TNFSF4: variants seen among roughly 807,000 people sequenced by gnomAD.
The protein encoded by TNFSF4 is TNF superfamily member 4, also known as tumor necrosis factor ligand superfamily member 4.
In TNFSF4, 4 loss-of-function variants were observed where a neutral mutation model predicts 7.3. The ratio of observed to expected loss-of-function variants is 0.55; its 90% CI spans 0.27 to 1.25. The LOEUF is 1.25. TNFSF4 is among the 50% of genes most tolerant of loss of function. TNFSF4 has a pLI of 0.12. For synonymous variants in TNFSF4, 76 were observed against 83.7 expected (o/e 0.91, Z 0.50); for missense variants, 181 against 208.8 (o/e 0.87, Z 0.82).
At chr1:173,231,094 A>G in the TNFSF4 span, among the ~76,000 whole-genome samples, 3 of 152,236 alleles carry the variant, frequency 2.0e-5, no homozygotes, top group Non-Finnish European at 4.4e-5. Context: ...AACTCACTTT[A>G]TGAGGCCAGC....
chr1:173,352,287 C>T, the TNFSF4 span, among the ~76,000 whole-genome samples: 1 of 152,176 alleles, frequency 6.6e-6, no homozygotes, highest in Non-Finnish European at 1.5e-5. Flanking sequence ...GCTGCTGTGA[C>T]CATGTTAGTC....
chr1:173,409,750 C>G, the TNFSF4 span, among the ~76,000 whole-genome samples: 1 of 152,094 alleles, frequency 6.6e-6, no homozygotes, highest in Non-Finnish European at 1.5e-5. Context: ...ATCTAATCTA[C>G]AGTGTGAGAA....
the TNFSF4 span, among the ~76,000 whole-genome samples, chr1:173,431,196 A>G: frequency 1.3e-5 from 2 of 152,224 alleles, no homozygotes; most frequent in South Asian, 4.1e-4. Flanking sequence ...TCTTTGGAGA[A>G]TGTGTTTGCA....
the TNFSF4 span, among the ~76,000 whole-genome samples, chr1:173,379,853 C>T: frequency 2.6e-5 from 4 of 152,206 alleles, no homozygotes; most frequent in South Asian, 6.2e-4. Context: ...AAGCCACCCC[C>T]TCATCCATGT....
chr1:173,308,285 C>CTCTCTGTGTGTG, the TNFSF4 span, among the ~76,000 whole-genome samples: 326 of 135,098 alleles, frequency 2.4e-3, 2 homozygotes, highest in South Asian at 4.7e-3. Context: ...CTCTCTCTCT[C>CTCTCTGTGTGTG]TGTGTGTGTG....
the TNFSF4 span, among the ~76,000 whole-genome samples, chr1:173,438,628 T>C: frequency 1.3e-5 from 2 of 152,346 alleles, no homozygotes; most frequent in South Asian, 4.1e-4. Context: ...AAGCTTTCCA[T>C]ACTGGCAAAT....
At chr1:173,416,829 T>G in the TNFSF4 span, among the ~76,000 whole-genome samples, 1 of 152,008 alleles carries the variant, frequency 6.6e-6, no homozygotes, top group Admixed American at 6.6e-5. Flanking sequence ...ACTCCTGGAC[T>G]CAAGCGATCC....
chr1:173,426,928 C>CAG, the TNFSF4 span, among the ~76,000 whole-genome samples: 135 of 150,842 alleles, frequency 8.9e-4, 1 homozygote, highest in East Asian at 9.7e-4. Flanking sequence ...GCAAGACAGT[C>CAG]AGAGAGAGAG....
the TNFSF4 span, among the ~76,000 whole-genome samples, chr1:173,329,637 T>A: frequency 1.3e-5 from 2 of 152,138 alleles, no homozygotes; most frequent in African/African-American, 2.4e-5. Flanking sequence ...AAAACAAATT[T>A]AACAACTGTA....
At chr1:173,264,860 C>T in the TNFSF4 span, among the ~76,000 whole-genome samples, 1 of 152,158 alleles carries the variant, frequency 6.6e-6, no homozygotes, top group Non-Finnish European at 1.5e-5. Flanking sequence ...AGGGACACTA[C>T]ATTCAGTGAC....
chr1:173,292,989 A>G, the TNFSF4 span, among the ~76,000 whole-genome samples: 1 of 152,170 alleles, frequency 6.6e-6, no homozygotes, highest in Non-Finnish European at 1.5e-5. Context: ...AAGAAATCTG[A>G]GGTGACAAAA....
At chr1:173,419,018 G>C in the TNFSF4 span, among the ~76,000 whole-genome samples, 2 of 152,192 alleles carry the variant, frequency 1.3e-5, no homozygotes, top group Non-Finnish European at 2.9e-5. Flanking sequence ...TGGCCCCCAC[G>C]GTGGGGCTGG....
the TNFSF4 span, among the ~76,000 whole-genome samples, chr1:173,247,148 A>G: frequency 1.3e-5 from 2 of 152,222 alleles, no homozygotes; most frequent in Non-Finnish European, 2.9e-5. Flanking sequence ...GTGCCCTTTT[A>G]AGAGGGGATT....
chr1:173,410,503 A>G, the TNFSF4 span, among the ~76,000 whole-genome samples: 2 of 152,210 alleles, frequency 1.3e-5, no homozygotes, highest in African/African-American at 4.8e-5. Context: ...TTCTTCTCAA[A>G]TAAAAGTTGT....
chr1:173,192,551 G>A (rs1376679671), intron 1 of TNFSF4, among the ~76,000 whole-genome samples: 1 of 152,158 alleles, frequency 6.6e-6, no homozygotes, highest in Non-Finnish European at 1.5e-5. Context: ...GGTGCCAGGG[G>A]TTAGGAATGG....
chr1:173,195,475 C>T (rs1476497488), intron 1 of TNFSF4, among the ~76,000 whole-genome samples: 1 of 152,226 alleles, frequency 6.6e-6, no homozygotes, highest in Non-Finnish European at 1.5e-5. Flanking sequence ...TAGGTTCTTT[C>T]TTGGCCTCCT....
the TNFSF4 span, among the ~76,000 whole-genome samples, chr1:173,442,636 G>A: frequency 4.4e-5 from 6 of 137,874 alleles, no homozygotes; most frequent in African/African-American, 1.6e-4. Flanking sequence ...TGCAACCTTC[G>A]CCTCCCTGGG....
the TNFSF4 span, among the ~76,000 whole-genome samples, chr1:173,263,087 G>T: frequency 6.6e-6 from 1 of 152,128 alleles, no homozygotes; most frequent in African/African-American, 2.4e-5. Flanking sequence ...ACAAGTGAAA[G>T]ATCTCTTCAA....
At chr1:173,376,488 C>T in the TNFSF4 span, among the ~76,000 whole-genome samples, 1 of 152,178 alleles carries the variant, frequency 6.6e-6, no homozygotes, top group Admixed American at 6.5e-5. Context: ...GTGAAGCCAG[C>T]TGGGCTTCTG....
Sources: gnomAD v4.1 joint callset for allele counts (sites outside exome capture counted in the v4.1 genomes callset) on GRCh38, gnomAD v4.1.1 for gene constraint, MANE v1.5 for transcripts, NCBI Gene and HGNC (gene_info 2026-07-23, HGNC 2026-07-21) for gene names.